The following NCBP2 variants were observed in gnomAD, a reference collection of about 807,000 sequenced individuals.
NCBP2 encodes the protein nuclear cap-binding protein subunit 2.
NCBP2 carries 8 observed loss-of-function variants against 21.5 expected under a neutral mutation model. The observed-to-expected ratio is 0.37, with a 90% CI of 0.22 to 0.67. The LOEUF (loss-of-function observed/expected upper bound fraction) is 0.67, where lower values mean the gene tolerates loss of function less well. NCBP2 is among the 30% of genes least tolerant of loss of function. NCBP2 has a pLI of 0.56. For synonymous variants in NCBP2, 92 were observed against 75.8 expected (o/e 1.21, Z -1.11); for missense variants, 127 against 206.9 (o/e 0.61, Z 2.37).
chr3:196,936,518 C>A lies in NCBP2; in HGVS notation c.*493G>T. On this transcript the variant is annotated 3_prime_UTR_variant, in exon 4 of 4. Transcript: ENST00000321256. ...CTCAAACTCCTGGCCTCAAGCTATC[C>A]TTCCTCCTCAGCCTCCCAAAGTGTT... 1 of 158,430 alleles carries A rather than the reference C, an allele frequency of 6.3e-6. No homozygotes were observed. The highest frequency in any genetic ancestry group is 1.4e-5 in the Non-Finnish European group (1 of 71,804). The allele number at this position is 158,430 out of a possible 1,614,324, so 9.8% of individuals were successfully genotyped here.
At chr3:196,941,069 C>T (rs1453752535) in intron 1 of NCBP2, 1 of 151,908 alleles carries the variant, frequency 6.6e-6, no homozygotes, top group Admixed American at 6.6e-5. Flanking sequence ...AAGCGAGACT[C>T]TGTCTCAAAA....
chr3:196,940,021 A>G (rs745397421), intron 1 of NCBP2: 2 of 152,308 alleles, frequency 1.3e-5, no homozygotes, highest in African/African-American at 2.4e-5. Flanking sequence ...ACTTAAGCAT[A>G]TAACTGGGCT....
intron 1 of NCBP2, among the ~76,000 whole-genome samples, chr3:196,940,700 TAGAC>T (rs1271302010): frequency 1.3e-5 from 2 of 152,226 alleles, no homozygotes; most frequent in Non-Finnish European, 2.9e-5. Context: ...AGATGAATAA[TAGAC>T]AAAGTCAGAA....
chr3:196,939,610 C>T (rs1474838192), intron 1 of NCBP2, among the ~76,000 whole-genome samples, 178 bp from the exon 2 acceptor site: 6 of 152,262 alleles, frequency 3.9e-5, no homozygotes, highest in Non-Finnish European at 7.4e-5. Flanking sequence ...AGCACTTATG[C>T]GAAGTCCAGA....
intron 1 of NCBP2, chr3:196,941,909 G>A (rs1177373072): frequency 6.5e-7 from 1 of 1,535,988 alleles, no homozygotes; most frequent in African/African-American, 1.4e-5. Context: ...GGCGGAGTGA[G>A]GACTCCACTT....
chr3:196,937,731 A>T, intron 2 of NCBP2, 83 bp from the exon 3 acceptor site: 1 of 1,533,120 alleles, frequency 6.5e-7, no homozygotes, highest in Non-Finnish European at 8.9e-7. Flanking sequence ...GAGTTGTTAA[A>T]AAGTACAAGA....
At chr3:196,941,694 G>A in intron 1 of NCBP2, 1 of 429,042 alleles carries the variant, frequency 2.3e-6, no homozygotes, top group Non-Finnish European at 4.3e-6. Context: ...ACCCCCAACC[G>A]TATTCCATCC....
Position 196,942,442 on chromosome 3 carries a change from C to T in NCBP2, c.62G>A (p.Arg21Gln). The stretch of plus-strand genomic sequence containing the variant: ...CTCCCTCACCCGGAAGTGCTGGTCC[C>T]GGTACTGGCTCAGCTCCACGTAGGA... ...SDSYVELSQY[R>Q]DQHFRGDNEE... The change falls in exon 1 of 4, where the codon CGG becomes CAG. Residue 21 changes from arginine (R) to glutamine (Q), a missense_variant. Physicochemically the swap from Arg to Gln is conservative, Grantham distance 43 (BLOSUM62 1). Transcript: ENST00000321256. 6.2e-7 allele frequency: 1 copy of T among 1,613,168 alleles called. No homozygotes were observed. Among genetic ancestry groups the T allele is most frequent in the Non-Finnish European group, 8.5e-7 (1 of 1,179,846 alleles).
intron 1 of NCBP2, chr3:196,941,546 T>C: frequency 4.0e-6 from 1 of 248,304 alleles, no homozygotes; most frequent in Non-Finnish European, 7.8e-6. Context: ...CTTTTCTGAA[T>C]CCTCACTACA....
At chr3:196,937,930 CTG>C (rs1209981347) in intron 2 of NCBP2, 14 of 390,848 alleles carry the variant, frequency 3.6e-5, no homozygotes. Flanking sequence ...GTTTAGATCA[CTG>C]TACACTTCTT....
At chr3:196,939,934 G>T (rs1716451394) in intron 1 of NCBP2, 1 of 152,740 alleles carries the variant, frequency 6.5e-6, no homozygotes, top group Non-Finnish European at 1.5e-5. Context: ...AGGGGAAAAT[G>T]TAGTGATCAC....
chr3:196,942,081 C>T, intron 1 of NCBP2: 1 of 1,512,368 alleles, frequency 6.6e-7, no homozygotes, highest in Non-Finnish European at 8.8e-7. Context: ...GAGAAGGGCA[C>T]CCCTCCCCCT....
chr3:196,939,314 A>G lies in NCBP2; in HGVS notation c.197T>C (p.Ile66Thr), dbSNP rs1716417030. Residue 66 changes from isoleucine (I) to threonine (T), a missense_variant, in exon 2 of 4, where the codon ATA becomes ACA. Ile to Thr is a moderately conservative substitution (Grantham distance 89). Coordinates refer to ENST00000321256, the MANE Select transcript of NCBP2 (RefSeq NM_007362.5). ...IYELFSKSGD[I>T]KKIIMGLDKM... ...ATCCAGACCCATAATGATTTTCTTT[A>G]TGTCACCACTTTTGCTGAAGAGTTC... 4 of 1,613,872 alleles carry G rather than the reference A, an allele frequency of 2.5e-6. No individual in the cohort carries two copies. Among genetic ancestry groups the G allele is most frequent in the Non-Finnish European group, 3.4e-6 (4 of 1,179,758 alleles).
Position 196,937,302 on chromosome 3 carries a change from G to A in NCBP2, c.399+208C>T, listed in dbSNP as rs138261977. ...CTAGCCCTAGCAGAAGTTCAAGAAT[G>A]GTTGCTTGTTAGAAACGTACAGAAC... On this transcript the variant is annotated intron_variant, in intron 3 of 3. Transcript: ENST00000321256. 69 of 801,766 alleles carry A rather than the reference G, an allele frequency of 8.6e-5. No homozygotes were observed. In the East Asian group the frequency reaches 1.8e-3, roughly 20 times the overall value. 49.7% of individuals were successfully genotyped at this position (801,766 alleles called of 1,614,324 possible).
intron 1 of NCBP2, chr3:196,941,645 G>A (rs527514792): frequency 1.4e-4 from 73 of 523,778 alleles, no homozygotes; most frequent in African/African-American, 1.3e-3. Context: ...CTCGATAAAC[G>A]TTTACTAAAT....
chr3:196,940,300 A>G (rs1023931304), intron 1 of NCBP2, among the ~76,000 whole-genome samples: 2 of 151,934 alleles, frequency 1.3e-5, no homozygotes, highest in Admixed American at 1.3e-4. Flanking sequence ...TGAACCTGGG[A>G]GGTGGAGGTT....
Position 196,937,492 on chromosome 3 carries a change from G to C in NCBP2, c.399+18C>G. On this transcript the variant is annotated intron_variant, in intron 3 of 3. Coordinates refer to ENST00000321256, the MANE Select transcript of NCBP2 (RefSeq NM_007362.5). Reference sequence around the variant, plus strand: ...GAATCCCAGGCAATGGCTGAGCCCAGAGACCCTTCTTGCATACCTGGCCCC... The same window carrying C: ...GAATCCCAGGCAATGGCTGAGCCCACAGACCCTTCTTGCATACCTGGCCCC... 4 of 1,613,486 alleles carry C rather than the reference G, an allele frequency of 2.5e-6. No individual in the cohort carries two copies. Among genetic ancestry groups the C allele is most frequent in the Non-Finnish European group, 3.4e-6 (4 of 1,179,876 alleles).
Position 196,936,714 on chromosome 3 carries a change from T to C in NCBP2, c.*297A>G. Reference sequence around the variant, plus strand: ...ACATTTTTCTGTCTTTCTAAAAGTGTAGTGGTTATGGCTAAAGACTAATCA... The same window carrying C: ...ACATTTTTCTGTCTTTCTAAAAGTGCAGTGGTTATGGCTAAAGACTAATCA... On this transcript the variant is annotated 3_prime_UTR_variant, in exon 4 of 4. Coordinates refer to ENST00000321256, the MANE Select transcript of NCBP2 (RefSeq NM_007362.5). 1 of 420,060 alleles carries C rather than the reference T, an allele frequency of 2.4e-6. No homozygotes were observed. The highest frequency in any genetic ancestry group is 4.3e-6 in the Non-Finnish European group (1 of 231,572). The allele number at this position is 420,060 out of a possible 1,614,324, so 26.0% of individuals were successfully genotyped here.
At chr3:196,937,460 G>A (rs1560168740) in intron 3 of NCBP2, 50 bp downstream of exon 3, 2 of 1,605,634 alleles carry the variant, frequency 1.2e-6, no homozygotes, top group African/African-American at 2.7e-5. Context: ...ACCTGTCATT[G>A]TGACTGGAAT....
Sources: gnomAD v4.1 joint callset for allele counts (sites outside exome capture counted in the v4.1 genomes callset) on GRCh38, gnomAD v4.1.1 for gene constraint, MANE v1.5 for transcripts, NCBI Gene and HGNC (gene_info 2026-07-23, HGNC 2026-07-21) for gene names.